The following AOPEP variants were observed in gnomAD, a reference collection of about 807,000 sequenced individuals.
AOPEP encodes aminopeptidase O.
AOPEP carries 77 observed loss-of-function variants against 98.1 expected under a neutral mutation model. That is an observed-to-expected ratio of 0.78 (90% CI 0.65 to 0.95). The LOEUF (loss-of-function observed/expected upper bound fraction) is 0.95, where lower values mean the gene tolerates loss of function less well. Among genes scored for constraint, AOPEP ranks in the 40% least tolerant of loss-of-function variants. The pLI is 0.00. For synonymous variants in AOPEP, 346 were observed against 365.3 expected, an observed-to-expected ratio of 0.95 and a Z score of 0.60; for missense variants, 1,024 against 1,024.7, an observed-to-expected ratio of 1.00 and a Z score of 0.01.
At position 95,060,768 on chromosome 9, in the gene AOPEP, A is replaced by G; in HGVS notation, c.2190A>G (p.Gln730=). Reference sequence around the variant, plus strand: ...AGACTCTGAGCCCCCGAACTCTGCAAAGCCTCCAGAGGACATACCACCTCC... The same window carrying G: ...AGACTCTGAGCCCCCGAACTCTGCAGAGCCTCCAGAGGACATACCACCTCC... ...EQKTLSPRTL[Q]SLQRTYHLQD... The change falls in exon 14 of 17, where the codon CAA becomes CAG. Residue 730 remains glutamine (Q), a synonymous_variant. Coordinates refer to ENST00000375315, the MANE Select transcript of AOPEP (RefSeq NM_001193329.3). 2.5e-6 allele frequency: 4 copies of G among 1,614,042 alleles called. No individual in the cohort carries two copies. The highest frequency in any genetic ancestry group is 1.6e-4 in the Middle Eastern group (1 of 6,062).
intron 5 of AOPEP, among the ~76,000 whole-genome samples, chr9:94,843,128 A>G (rs1282458066): frequency 6.6e-6 from 1 of 152,162 alleles, no homozygotes; most frequent in Non-Finnish European, 1.5e-5. Flanking sequence ...CGACACAAAT[A>G]TTAGACCTTT....
chr9:94,833,134 C>T (rs1481099136), intron 5 of AOPEP, among the ~76,000 whole-genome samples: 6 of 151,252 alleles, frequency 4.0e-5, no homozygotes, highest in Admixed American at 4.0e-4. Flanking sequence ...TGGGGTTTCA[C>T]CATGTTGGCC....
chr9:94,779,550 A>C (rs552460301), intron 3 of AOPEP, among the ~76,000 whole-genome samples: 30 of 152,306 alleles, frequency 2.0e-4, no homozygotes, highest in African/African-American at 7.0e-4. Flanking sequence ...ACTAGATATG[A>C]ACTCTGTGTT....
At chr9:95,058,202 T>C (rs953629066) in intron 13 of AOPEP, among the ~76,000 whole-genome samples, 1 of 152,194 alleles carries the variant, frequency 6.6e-6, no homozygotes, top group African/African-American at 2.4e-5. Context: ...AAACTGGAGC[T>C]GTATCTATTG....
At chr9:95,129,564 G>A in the AOPEP span, among the ~76,000 whole-genome samples, 7 of 152,244 alleles carry the variant, frequency 4.6e-5, no homozygotes, top group South Asian at 8.3e-4. Context: ...CCATGACTGC[G>A]GCCATTATCT....
At position 94,924,087 on chromosome 9, in the gene AOPEP, C is replaced by T; in HGVS notation, c.1466C>T (p.Ala489Val). ...HEIAHAWFGL[A>V]IGARDWTEEW... Reference sequence around the variant, plus strand: ...ATTGCCCATGCCTGGTTTGGCCTAGCCATCGGGGCCCGAGACTGGACGGAG... The same window carrying T: ...ATTGCCCATGCCTGGTTTGGCCTAGTCATCGGGGCCCGAGACTGGACGGAG... Residue 489 changes from alanine (A) to valine (V), a missense_variant, in exon 6 of 17, where the codon GCC becomes GTC. Physicochemically the swap from Ala to Val is moderately conservative, Grantham distance 64 (BLOSUM62 0). Coordinates refer to ENST00000375315, the MANE Select transcript of AOPEP (RefSeq NM_001193329.3). 1 of 1,520,020 alleles carries T rather than the reference C, an allele frequency of 6.6e-7. No individual in the cohort carries two copies. The highest frequency in any genetic ancestry group is 8.8e-7 in the Non-Finnish European group (1 of 1,130,842). The allele number at this position is 1,520,020 out of a possible 1,614,324, so 94.2% of individuals were successfully genotyped here.
chr9:95,125,328 T>C, the AOPEP span: 1 of 716,926 alleles, frequency 1.4e-6, no homozygotes, highest in South Asian at 1.5e-5. Flanking sequence ...ATTTCAGTCC[T>C]TGTGTGAAAA....
At chr9:94,935,914 T>G (rs751385121) in intron 7 of AOPEP, among the ~76,000 whole-genome samples, 6 of 152,216 alleles carry the variant, frequency 3.9e-5, no homozygotes, top group Non-Finnish European at 8.8e-5. Context: ...TACTCATCGC[T>G]GGTGGCACAG....
At chr9:94,938,611 TGGACTTGCTGGAGA>T (rs1379804578) in intron 7 of AOPEP, among the ~76,000 whole-genome samples, 1 of 152,104 alleles carries the variant, frequency 6.6e-6, no homozygotes, top group Non-Finnish European at 1.5e-5. Flanking sequence ...AACATGAGAA[TGGACTTGCTGGAGA>T]GGACAGCCAC....
chr9:94,813,230 G>T (rs1851004796), intron 5 of AOPEP, among the ~76,000 whole-genome samples: 2 of 152,260 alleles, frequency 1.3e-5, no homozygotes, highest in East Asian at 1.9e-4. Context: ...AAAGGGAGGG[G>T]TAAGATGTGA....
intron 1 of AOPEP, among the ~76,000 whole-genome samples, chr9:94,737,110 GA>G (rs145503419): frequency 0.17 from 26,166 of 151,936 alleles, 3,025 homozygotes; most frequent in Non-Finnish European, 0.26. Flanking sequence ...AAAACATGGA[GA>G]TTTTTTTTAA....
At chr9:95,033,204 ATTTCACCTCTTC>A (rs1387340030) in intron 13 of AOPEP, among the ~76,000 whole-genome samples, 1 of 151,886 alleles carries the variant, frequency 6.6e-6, no homozygotes, top group Non-Finnish European at 1.5e-5. Flanking sequence ...CTGTGTCCTC[ATTTCACCTCTTC>A]TTTTGTTCTA....
At chr9:94,948,935 A>G (rs1320278065) in intron 7 of AOPEP, among the ~76,000 whole-genome samples, 1 of 152,144 alleles carries the variant, frequency 6.6e-6, no homozygotes, top group Non-Finnish European at 1.5e-5. Flanking sequence ...GTCATTTTAC[A>G]GCCTCCCAGC....
chr9:94,819,018 AAAAAT>A (rs1050293051), intron 5 of AOPEP, among the ~76,000 whole-genome samples: 2 of 152,200 alleles, frequency 1.3e-5, no homozygotes, highest in African/African-American at 4.8e-5. Flanking sequence ...AACAAACAAA[AAAAAT>A]AAAAAGAAAT....
intron 13 of AOPEP, among the ~76,000 whole-genome samples, chr9:95,017,174 G>GT (rs1391908084): frequency 1.3e-4 from 20 of 150,426 alleles, no homozygotes; most frequent in Middle Eastern, 6.9e-3. Context: ...GTGGGTTTCT[G>GT]TTTTTTTTTC....
chr9:95,125,220 A>C, the AOPEP span: 1 of 1,557,102 alleles, frequency 6.4e-7, no homozygotes, highest in Non-Finnish European at 8.9e-7. Flanking sequence ...AACACGTTTA[A>C]CAAGTAATCC....
intron 13 of AOPEP, among the ~76,000 whole-genome samples, chr9:95,026,824 G>T (rs894385233): frequency 1.3e-5 from 2 of 152,140 alleles, no homozygotes; most frequent in Non-Finnish European, 2.9e-5. Flanking sequence ...GATGAACAAG[G>T]GTCCCAGTTT....
chr9:95,079,648 A>G (rs1265016936), intron 14 of AOPEP, among the ~76,000 whole-genome samples: 3 of 152,240 alleles, frequency 2.0e-5, no homozygotes, highest in Non-Finnish European at 1.5e-5. Context: ...TACCTTGCGC[A>G]GGTGGTTCTG....
the AOPEP span, chr9:95,114,281 C>T: frequency 9.1e-5 from 33 of 361,080 alleles, no homozygotes; most frequent in African/African-American, 2.7e-4. Flanking sequence ...CCCTTCTGTG[C>T]GGCCAGGGAG....
Sources: allele counts gnomAD v4.1 joint callset (sites outside exome capture counted in the v4.1 genomes callset), GRCh38; gene constraint gnomAD v4.1.1; transcripts MANE v1.5; gene names NCBI Gene and HGNC (gene_info 2026-07-23, HGNC 2026-07-21).